TAF12: variants seen among roughly 807,000 people sequenced by gnomAD.
TAF12 encodes the protein TATA-box binding protein associated factor 12, also known as transcription initiation factor TFIID subunit 12.
A neutral mutation model predicts 20.8 loss-of-function variants in TAF12; 3 were observed. The ratio of observed to expected loss-of-function variants is 0.14; its 90% CI spans 0.07 to 0.37. TAF12 has a LOEUF of 0.37. Ranked by LOEUF, TAF12 falls within the 10% of genes least tolerant of loss-of-function variation. TAF12 has a pLI of 1.00. For synonymous variants in TAF12, 69 were observed against 70.2 expected (o/e 0.98, Z 0.09); for missense variants, 131 against 197.9 (o/e 0.66, Z 2.03).
In TAF12 at chr1:28,603,359, T is replaced by C; in HGVS notation, c.*180A>G. The C allele has an allele frequency of 1.7e-6, 1 of 599,286 alleles. No individual in the cohort carries two copies. The highest frequency in any genetic ancestry group is 2.9e-6 in the Non-Finnish European group (1 of 344,498). The allele number at this position is 599,286 out of a possible 1,614,324, so 37.1% of individuals were successfully genotyped here. A position where few individuals can be genotyped will look rare whatever the true frequency, so the allele number is the denominator to read the frequency against. ...AGGGAAAAGGGACCGGAAGTTGGGG[T>C]AGGAGGCTTTATTCTTTTGGCAGAT... On this transcript the variant is annotated 3_prime_UTR_variant, in exon 6 of 6. Transcript: ENST00000373824.
intron 2 of TAF12, among the ~76,000 whole-genome samples, chr1:28,621,529 GA>G (rs980481529): frequency 1.3e-5 from 2 of 151,826 alleles, no homozygotes; most frequent in Non-Finnish European, 2.9e-5. Context: ...AAAATGAAAG[GA>G]AAAAAACACC....
At chr1:28,635,252 A>AT (rs1470067681) in intron 1 of TAF12, among the ~76,000 whole-genome samples, 4 of 150,526 alleles carry the variant, frequency 2.7e-5, no homozygotes, top group African/African-American at 9.7e-5. Flanking sequence ...AAATAAATAA[A>AT]AAAAACCACA....
chr1:28,618,147 G>T, intron 2 of TAF12, 117 bp from the exon 3 acceptor site: 1 of 890,340 alleles, frequency 1.1e-6, no homozygotes, highest in Admixed American at 2.3e-5. Context: ...TTTCCAATGA[G>T]TTCACAGTCT....
chr1:28,618,498 G>A (rs1054544684), intron 2 of TAF12, among the ~76,000 whole-genome samples: 8 of 150,908 alleles, frequency 5.3e-5, no homozygotes, highest in Non-Finnish European at 1.0e-4. Flanking sequence ...TTCCCAGCTA[G>A]CTGGGACCAT....
At chr1:28,612,549 TAC>T (rs983257879) in intron 4 of TAF12, among the ~76,000 whole-genome samples, 7 of 145,694 alleles carry the variant, frequency 4.8e-5, no homozygotes, top group South Asian at 4.3e-4. Context: ...TAAATATATA[TAC>T]ACACATAAAT....
intron 5 of TAF12, among the ~76,000 whole-genome samples, chr1:28,605,146 G>A (rs772443012): frequency 4.6e-5 from 7 of 152,116 alleles, no homozygotes; most frequent in Admixed American, 1.3e-4. Flanking sequence ...ACAGAGTTAC[G>A]AGAAAAAACA....
At chr1:28,611,881 G>A (rs1436298607) in intron 4 of TAF12, among the ~76,000 whole-genome samples, 3 of 152,140 alleles carry the variant, frequency 2.0e-5, no homozygotes, top group African/African-American at 7.2e-5. Context: ...AAAACTAGCT[G>A]AGCCCAGTCA....
chr1:28,635,284 T>TG (rs1336988676), intron 1 of TAF12, among the ~76,000 whole-genome samples: 6 of 119,096 alleles, frequency 5.0e-5, no homozygotes, highest in Non-Finnish European at 7.0e-5. Context: ...TCCTTTTTTT[T>TG]TTTTTTTTTT....
intron 1 of TAF12, among the ~76,000 whole-genome samples, chr1:28,626,920 A>C (rs969080735): frequency 1.3e-5 from 2 of 152,156 alleles, no homozygotes; most frequent in African/African-American, 4.8e-5. Flanking sequence ...TCAAAAAAAA[A>C]ATTTTTTTTT....
Position 28,632,351 on chromosome 1 carries a change from G to A in TAF12, c.-84-10186C>T, listed in dbSNP as rs552770300. The stretch of plus-strand genomic sequence containing the variant: ...CTCGGGAGGCTGAGGCAGGAGAATC[G>A]CTTGAACCTGGGAGGCGGAGGTTGC... On this transcript the variant is annotated intron_variant, in intron 1 of 5. Transcript: ENST00000373824. Among the ~76,000 whole-genome samples the A allele has an allele frequency of 9.9e-4, 151 of 152,174 alleles. 1 individual carries two copies. Among genetic ancestry groups the A allele is most frequent in the Non-Finnish European group, 1.7e-3 (116 of 68,000 alleles).
In TAF12 at chr1:28,611,535, AAAG is replaced by A. The variant is rs562460167; in HGVS notation, c.361+1709_361+1711del. ...ATATGACTGGTGTCCTATGAGAAGA[AAAG>A]AAGAGACACAGAGACAGAGACACAG... On this transcript the variant is annotated intron_variant, in intron 4 of 5. Transcript: ENST00000373824. 2.4e-4 allele frequency among the ~76,000 whole-genome samples: 35 copies of A among 147,644 alleles called. No individual in the cohort carries two copies. The South Asian group carries it at 3.0e-3, about 13-fold the overall frequency.
rs762359680 is a variant in TAF12, at chr1:28,605,408, G to A, written c.414C>T (p.Pro138=). The A allele has an allele frequency of 1.3e-5, 21 of 1,614,066 alleles. No homozygotes were observed. Among genetic ancestry groups the A allele is most frequent in the Non-Finnish European group, 1.8e-5 (21 of 1,180,008 alleles). ...IPGFGSEEIR[P]YKKACTTEAH... ...CTTCTGTGGTGCAAGCTTTTTTGTA[G>A]GGTCGGATTTCTTCAGAGCCAAATC... The change falls in exon 5 of 6, where the codon CCC becomes CCT. Residue 138 remains proline, a synonymous_variant. Coordinates refer to ENST00000373824, the MANE Select transcript of TAF12 (RefSeq NM_005644.4).
upstream of TAF12, chr1:28,643,231 G>T: frequency 2.2e-6 from 1 of 452,898 alleles, no homozygotes; most frequent in Non-Finnish European, 2.9e-6. Flanking sequence ...TGCAGCTTGC[G>T]CTTTTAACTG....
rs527920480 is a variant in TAF12 at position 28,627,018 on chromosome 1, T to G, written c.-84-4853A>C. On this transcript the variant is annotated intron_variant, in intron 1 of 5. Coordinates refer to ENST00000373824, the MANE Select transcript of TAF12 (RefSeq NM_005644.4). ...TCAAATTAGGATTTTTTTTTCTTTT[T>G]TTGTTGTTTCCAGTGAAGTTGGATG... Among the ~76,000 whole-genome samples the G allele has an allele frequency of 2.8e-3, 420 of 152,314 alleles. 1 individual carries two copies. Among genetic ancestry groups the G allele is most frequent in the African/African-American group, 9.8e-3 (407 of 41,554 alleles).
chr1:28,606,108 C>T (rs1417452565), intron 4 of TAF12, among the ~76,000 whole-genome samples: 4 of 152,146 alleles, frequency 2.6e-5, no homozygotes, highest in African/African-American at 4.8e-5. Context: ...AAGCGATTCT[C>T]CTGCCTCAGA....
intron 1 of TAF12, among the ~76,000 whole-genome samples, chr1:28,631,420 G>T (rs1667615383): frequency 1.3e-5 from 2 of 152,054 alleles, no homozygotes; most frequent in African/African-American, 4.8e-5. Context: ...AGCTACTTGG[G>T]AAGCTGAGGC....
rs58772752 is a variant in TAF12 at position 28,639,426 on chromosome 1, CA to C, written c.-85+3565del. Among the ~76,000 whole-genome samples, 237 of 89,438 alleles carry C rather than the reference CA, an allele frequency of 2.6e-3. 1 individual carries two copies. Among genetic ancestry groups the C allele is most frequent in the Middle Eastern group, 6.8e-3 (1 of 146 alleles). The allele number at this position is 89,438 out of a possible 152,430, so 58.7% of individuals were successfully genotyped here. A position where few individuals can be genotyped will look rare whatever the true frequency, so the allele number is the denominator to read the frequency against. ...AGTGAAAGAGCGAAACTCCGTCTCA[CA>C]AAAAAAAAAAAAAAGGTAATATGTC... On this transcript the variant is annotated intron_variant, in intron 1 of 5. Coordinates refer to ENST00000373824, the MANE Select transcript of TAF12 (RefSeq NM_005644.4).
intron 4 of TAF12, among the ~76,000 whole-genome samples, chr1:28,612,238 C>T (rs999944212): frequency 6.6e-6 from 1 of 151,814 alleles, no homozygotes; most frequent in Non-Finnish European, 1.5e-5. Context: ...TCAACAGAGG[C>T]CAGGAGTACA....
intron 4 of TAF12, among the ~76,000 whole-genome samples, chr1:28,610,141 G>A (rs575359802): frequency 5.3e-5 from 8 of 151,030 alleles, no homozygotes; most frequent in Admixed American, 5.3e-4. Flanking sequence ...CCACACCCAG[G>A]TAATTTTTGT....
Sources: allele counts gnomAD v4.1 joint callset (sites outside exome capture counted in the v4.1 genomes callset), GRCh38; gene constraint gnomAD v4.1.1; transcripts MANE v1.5; gene names NCBI Gene and HGNC (gene_info 2026-07-23, HGNC 2026-07-21).